The following ARHGAP6 variants were observed in gnomAD, a reference collection of about 807,000 sequenced individuals.
The protein encoded by ARHGAP6 is rho GTPase-activating protein 6.
A neutral mutation model predicts 55.7 loss-of-function variants in ARHGAP6; 16 were observed. The observed-to-expected ratio is 0.29, with a 90% CI of 0.19 to 0.44. The LOEUF is 0.44. Among genes scored for constraint, ARHGAP6 ranks in the 20% least tolerant of loss-of-function variants. The pLI is 1.00. For missense variants in ARHGAP6, 698 were observed against 808.9 expected (o/e 0.86, Z 1.66); for synonymous variants, 382 against 360.9 (o/e 1.06, Z -0.66).
intron 2 of ARHGAP6, among the ~76,000 whole-genome samples, chrX:11,205,292 T>C (rs1299044749): frequency 7.2e-5 from 8 of 111,555 alleles, no homozygotes; most frequent in Non-Finnish European, 5.6e-5. Flanking sequence ...GTGGGGACTG[T>C]CCTGTACAGT....
At chrX:11,459,876 C>T (rs1603217798) in intron 1 of ARHGAP6, among the ~76,000 whole-genome samples, 1 of 111,259 alleles carries the variant, frequency 9.0e-6, no homozygotes, top group East Asian at 2.8e-4. Flanking sequence ...CAGACTTCAG[C>T]CCTAGGTTGT....
intron 1 of ARHGAP6, among the ~76,000 whole-genome samples, chrX:11,648,826 G>A (rs992526753): frequency 3.6e-5 from 4 of 111,938 alleles, no homozygotes; most frequent in African/African-American, 1.3e-4. Context: ...CTTCCCATGA[G>A]CCTGTGCTAA....
intron 10 of ARHGAP6, among the ~76,000 whole-genome samples, chrX:11,149,476 C>G (rs748007110): frequency 2.4e-4 from 26 of 107,816 alleles, no homozygotes; most frequent in African/African-American, 8.8e-4. Flanking sequence ...GGGAGGGGGG[C>G]AGGGGCAGTT....
chrX:11,464,482 CTG>C (rs2050274763), intron 1 of ARHGAP6, among the ~76,000 whole-genome samples: 1 of 112,143 alleles, frequency 8.9e-6, no homozygotes, highest in Non-Finnish European at 1.9e-5. Flanking sequence ...TATTCATAAA[CTG>C]TAATTACAGG....
intron 1 of ARHGAP6, among the ~76,000 whole-genome samples, chrX:11,510,481 G>A (rs964685455): frequency 1.8e-5 from 2 of 111,356 alleles, no homozygotes; most frequent in Non-Finnish European, 3.8e-5. Flanking sequence ...GATGCACTTG[G>A]ATGATTGAGC....
At chrX:11,405,394 G>A (rs1455563524) in intron 1 of ARHGAP6, among the ~76,000 whole-genome samples, 1 of 112,029 alleles carries the variant, frequency 8.9e-6, no homozygotes, top group Non-Finnish European at 1.9e-5. Context: ...AATCCATGAC[G>A]GAAGACACTG....
intron 1 of ARHGAP6, among the ~76,000 whole-genome samples, chrX:11,641,709 T>C (rs1263033241): frequency 2.7e-5 from 3 of 111,976 alleles, no homozygotes; most frequent in Non-Finnish European, 5.7e-5. Flanking sequence ...CACCAAGACA[T>C]ACATTCTGCA....
chrX:11,208,240 A>G (rs1333071671), intron 2 of ARHGAP6, among the ~76,000 whole-genome samples: 2 of 111,232 alleles, frequency 1.8e-5, no homozygotes, highest in East Asian at 5.7e-4. Flanking sequence ...CGTGGAGGCC[A>G]TGGGTCATCC....
chrX:11,629,909 A>C (rs369830714), intron 1 of ARHGAP6, among the ~76,000 whole-genome samples: 102 of 111,939 alleles, frequency 9.1e-4, no homozygotes, highest in African/African-American at 3.2e-3. Flanking sequence ...CCAAAGCCTA[A>C]CCAGTAACTA....
At chrX:11,651,216 T>C (rs778313666) in intron 1 of ARHGAP6, among the ~76,000 whole-genome samples, 2 of 111,587 alleles carry the variant, frequency 1.8e-5, no homozygotes, top group Non-Finnish European at 3.8e-5. Flanking sequence ...GGTTTAGCTA[T>C]ACAGATTATT....
intron 1 of ARHGAP6, chrX:11,266,000 T>A: frequency 1.1e-6 from 1 of 895,118 alleles, no homozygotes; most frequent in Admixed American, 4.3e-5. Context: ...AGTGCACAAA[T>A]GAGTGAGTGC....
At chrX:11,341,401 C>T (rs1257217971) in intron 1 of ARHGAP6, among the ~76,000 whole-genome samples, 4 of 110,137 alleles carry the variant, frequency 3.6e-5, no homozygotes, top group African/African-American at 1.0e-4. Context: ...GAAAGGAAAC[C>T]GGAAACAAAA....
At chrX:11,538,581 A>G (rs966124477) in intron 1 of ARHGAP6, among the ~76,000 whole-genome samples, 1 of 111,709 alleles carries the variant, frequency 9.0e-6, no homozygotes, top group African/African-American at 3.2e-5. Context: ...AATTTAATAA[A>G]GAATTAACTC....
chrX:11,309,492 T>C (rs1489488226), intron 1 of ARHGAP6, among the ~76,000 whole-genome samples: 1 of 110,149 alleles, frequency 9.1e-6, no homozygotes, highest in Non-Finnish European at 1.9e-5. Flanking sequence ...CCTGGGGAGC[T>C]CTTAGTTCTG....
intron 1 of ARHGAP6, among the ~76,000 whole-genome samples, chrX:11,326,355 C>T (rs1242968356): frequency 9.9e-5 from 11 of 110,969 alleles, no homozygotes; most frequent in East Asian, 5.6e-4. Flanking sequence ...CTTGAACTCC[C>T]GATCTCAGGT....
chrX:11,524,943 C>T (rs886340997), intron 1 of ARHGAP6, among the ~76,000 whole-genome samples: 1 of 111,218 alleles, frequency 9.0e-6, no homozygotes, highest in Non-Finnish European at 1.9e-5. Flanking sequence ...CCTGCATGCA[C>T]AGTTCACAAT....
intron 1 of ARHGAP6, among the ~76,000 whole-genome samples, chrX:11,260,503 T>G (rs1046181268): frequency 9.0e-6 from 1 of 111,691 alleles, no homozygotes; most frequent in Non-Finnish European, 1.9e-5. Flanking sequence ...ACTGGAATTC[T>G]GAAATCACTT....
At chrX:11,403,233 G>GA (rs2049571505) in intron 1 of ARHGAP6, among the ~76,000 whole-genome samples, 1 of 111,438 alleles carries the variant, frequency 9.0e-6, no homozygotes, top group Non-Finnish European at 1.9e-5. Flanking sequence ...AGGTATGGGG[G>GA]AGAGTTAGAG....
intron 1 of ARHGAP6, among the ~76,000 whole-genome samples, chrX:11,430,707 C>T (rs1198079607): frequency 8.9e-6 from 1 of 112,104 alleles, no homozygotes; most frequent in African/African-American, 3.2e-5. Flanking sequence ...GTTATTTGTT[C>T]ACTTGGTCAT....
Sources: gnomAD v4.1 joint callset for allele counts (sites outside exome capture counted in the v4.1 genomes callset) on GRCh38, gnomAD v4.1.1 for gene constraint, MANE v1.5 for transcripts, NCBI Gene and HGNC (gene_info 2026-07-23, HGNC 2026-07-21) for gene names.